Variants in RFWD3 observed in about 807,000 individuals in gnomAD.
RFWD3 encodes ring finger and WD repeat domain 3.
RFWD3 carries 65 observed loss-of-function variants against 87.7 expected under a neutral mutation model. The observed-to-expected ratio is 0.74, with a 90% confidence interval of 0.61 to 0.91. The LOEUF is 0.91. RFWD3 is among the 40% of genes least tolerant of loss of function. The pLI, the probability that RFWD3 is intolerant of heterozygous loss-of-function variation, is 0.00. For synonymous variants in RFWD3, 433 were observed against 352.8 expected (o/e 1.23, Z -2.55); for missense variants, 1,078 against 938.5 (o/e 1.15, Z -1.94).
chr16:74,649,772 T>A (rs1054937355), intron 3 of RFWD3, among the ~76,000 whole-genome samples: 8 of 152,248 alleles, frequency 5.3e-5, no homozygotes, highest in African/African-American at 1.9e-4. Flanking sequence ...GAGCTTGTGA[T>A]GTCTCTTAAG....
At chr16:74,657,095 G>C (rs1378003736) in intron 2 of RFWD3, among the ~76,000 whole-genome samples, 1 of 152,170 alleles carries the variant, frequency 6.6e-6, no homozygotes, top group Non-Finnish European at 1.5e-5. Context: ...GTCAAGAGTA[G>C]TCTTGCAAAT....
At chr16:74,634,548 C>T (rs80318375) in intron 8 of RFWD3, among the ~76,000 whole-genome samples, 19,032 of 151,984 alleles carry the variant, frequency 0.13, 1,451 homozygotes, top group Admixed American at 0.23. Context: ...CCACACCAAG[C>T]TAGTTAAGAA....
intron 2 of RFWD3, among the ~76,000 whole-genome samples, chr16:74,656,259 T>TCACAC (rs1207884086): frequency 8.4e-6 from 1 of 119,474 alleles, no homozygotes; most frequent in Non-Finnish European, 1.6e-5. Flanking sequence ...TGAGCCATGA[T>TCACAC]CACACCACTG....
At chr16:74,660,231 C>G (rs1961314878) in intron 2 of RFWD3, among the ~76,000 whole-genome samples, 1 of 152,242 alleles carries the variant, frequency 6.6e-6, no homozygotes, top group African/African-American at 2.4e-5. Context: ...GATCGCACCA[C>G]TGCGCTCCAG....
At chr16:74,662,735 T>C (rs771117436) in intron 1 of RFWD3, among the ~76,000 whole-genome samples, 11 of 151,646 alleles carry the variant, frequency 7.3e-5, no homozygotes, top group Non-Finnish European at 1.5e-4. Flanking sequence ...TGGTAAGGAG[T>C]TTCTTCTATG....
rs938342974 is a variant in RFWD3, at chr16:74,661,332, G to C, written c.118C>G (p.Pro40Ala). 4 of 1,614,138 alleles carry C rather than the reference G, an allele frequency of 2.5e-6. No homozygotes were observed. The Admixed American group carries it at 5.0e-5, about 20-fold the overall frequency. ...CCCTGGCTGCTGACCACATCAGCAG[G>C]AACAGGCTGGAGGAGGGCTGGTCCC... Reference protein sequence around the residue: ...QGGPALLQPVPADVVSSQGVP... With the variant: ...QGGPALLQPVAADVVSSQGVP... The change falls in exon 2 of 13, where the codon CCT (proline) becomes GCT (alanine). Residue 40 changes from proline (P) to alanine (A), a missense_variant. Transcript: ENST00000361070.
intron 6 of RFWD3, among the ~76,000 whole-genome samples, chr16:74,639,009 T>A (rs973160510): frequency 4.0e-5 from 6 of 150,006 alleles, no homozygotes; most frequent in East Asian, 2.0e-4. Flanking sequence ...TATCTAAACA[T>A]AGAAAAGGTA....
At chr16:74,635,573 G>A (rs1376221566) in intron 8 of RFWD3, among the ~76,000 whole-genome samples, 1 of 152,166 alleles carries the variant, frequency 6.6e-6, no homozygotes, top group Non-Finnish European at 1.5e-5. Context: ...GGACTGGAAT[G>A]GACACGTTAA....
At chr16:74,637,069 A>G (rs993778212) in intron 7 of RFWD3, among the ~76,000 whole-genome samples, 1 of 150,288 alleles carries the variant, frequency 6.7e-6, no homozygotes, top group African/African-American at 2.5e-5. Context: ...GAGAGCACAG[A>G]ATCATAATAT....
intron 1 of RFWD3, chr16:74,666,212 AGATAGATAGATT>A (rs1318544664): frequency 8.2e-5 from 11 of 134,362 alleles, no homozygotes; most frequent in Non-Finnish European, 1.5e-4. Context: ...ATAGATAGAT[AGATAGATAGATT>A]GATTAGATAC....
chr16:74,639,169 C>G (rs934827904), intron 6 of RFWD3, among the ~76,000 whole-genome samples: 2 of 151,840 alleles, frequency 1.3e-5, no homozygotes, highest in Non-Finnish European at 2.9e-5. Flanking sequence ...TCCCAAGTAG[C>G]TGAGATGACC....
chr16:74,627,035 C>T (rs1958960092), intron 11 of RFWD3, among the ~76,000 whole-genome samples: 1 of 152,102 alleles, frequency 6.6e-6, no homozygotes, highest in South Asian at 2.1e-4. Context: ...AGCAAGATAA[C>T]AAAATAGGAC....
chr16:74,625,552 C>A (rs538074822), intron 12 of RFWD3, among the ~76,000 whole-genome samples: 3 of 151,754 alleles, frequency 2.0e-5, no homozygotes, highest in African/African-American at 4.8e-5. Context: ...CAATGGCTCA[C>A]GCCTATAATC....
chr16:74,627,448 TC>T, intron 11 of RFWD3, among the ~76,000 whole-genome samples: 1 of 150,230 alleles, frequency 6.7e-6, no homozygotes, highest in Non-Finnish European at 1.5e-5. Flanking sequence ...CCTGGATGGC[TC>T]CCCCTTCTTC....
chr16:74,638,890 A>G (rs1459839866), intron 6 of RFWD3, among the ~76,000 whole-genome samples: 2 of 152,216 alleles, frequency 1.3e-5, no homozygotes, highest in Non-Finnish European at 2.9e-5. Flanking sequence ...CCTACACAGT[A>G]TAGCCTACTA....
At position 74,641,715 on chromosome 16, in the gene RFWD3, G is replaced by C. The variant is rs573882019; in HGVS notation, c.1079+2647C>G. Among the ~76,000 whole-genome samples, 426 of 151,732 alleles carry C rather than the reference G, an allele frequency of 2.8e-3. 2 individuals carry two copies. The highest frequency in any genetic ancestry group is 4.7e-3 in the Non-Finnish European group (318 of 67,894). Reference sequence around the variant, plus strand: ...CAAGGCAGGCTGATCACGAGGTCAGGAGTTCCAGACCAGCCTGGCCAACAC... The same window carrying C: ...CAAGGCAGGCTGATCACGAGGTCAGCAGTTCCAGACCAGCCTGGCCAACAC... On this transcript the variant is annotated intron_variant, in intron 6 of 12. Coordinates refer to ENST00000361070, the MANE Select transcript of RFWD3 (RefSeq NM_018124.4).
At chr16:74,656,308 CAAAAAAAAA>C (rs71158534) in intron 2 of RFWD3, among the ~76,000 whole-genome samples, 1 of 64,222 alleles carries the variant, frequency 1.6e-5, no homozygotes, top group South Asian at 5.8e-4. Context: ...CTTGTCTTGC[CAAAAAAAAA>C]AAAAAAAAAA....
At chr16:74,655,164 A>G (rs915538169) in intron 2 of RFWD3, among the ~76,000 whole-genome samples, 10 of 152,216 alleles carry the variant, frequency 6.6e-5, no homozygotes, top group Admixed American at 1.3e-4. Context: ...AGAGAAGTCA[A>G]TGCCTGGCTT....
chr16:74,638,734 A>C (rs1959368050), intron 6 of RFWD3, among the ~76,000 whole-genome samples: 1 of 152,246 alleles, frequency 6.6e-6, no homozygotes, highest in African/African-American at 2.4e-5. Flanking sequence ...CTGATTAGTA[A>C]ATGTAATTTA....
Sources: gnomAD v4.1 joint callset for allele counts (sites outside exome capture counted in the v4.1 genomes callset) on GRCh38, gnomAD v4.1.1 for gene constraint, MANE v1.5 for transcripts, NCBI Gene and HGNC (gene_info 2026-07-23, HGNC 2026-07-21) for gene names.